SULF2: variants seen among roughly 807,000 people sequenced by gnomAD.
SULF2 encodes sulfatase 2.
A neutral mutation model predicts 107.7 loss-of-function variants in SULF2; 52 were observed. The ratio of observed to expected loss-of-function variants is 0.48; its 90% CI spans 0.39 to 0.61. The LOEUF (loss-of-function observed/expected upper bound fraction) is 0.61. Ranked by LOEUF, SULF2 falls within the 20% of genes least tolerant of loss-of-function variation. The pLI is 0.00. For missense variants in SULF2, 993 were observed against 1,177.3 expected, an observed-to-expected ratio of 0.84 and a Z score of 2.29; for synonymous variants, 460 against 464.3, an observed-to-expected ratio of 0.99 and a Z score of 0.12.
rs1367536135 is a variant in SULF2 at position 47,785,435 on chromosome 20, GCGCCGCCGCTGCCGCTGCCGC to G, written c.-214_-194del. The G allele has an allele frequency of 0.013, 1,916 of 151,598 alleles. 52 individuals carry two copies. Among genetic ancestry groups the G allele is most frequent in the African/African-American group, 0.045 (1,722 of 38,236 alleles). 9.4% of individuals were successfully genotyped at this position (151,598 alleles called of 1,614,324 possible). On this transcript the variant is annotated 5_prime_UTR_variant, in exon 1 of 21. Coordinates refer to ENST00000688720, the MANE Select transcript of SULF2 (RefSeq NM_001387048.1). The stretch of plus-strand genomic sequence containing the variant: ...CGGGCCGCTGGGCGCAGGGGACTCC[GCGCCGCCGCTGCCGCTGCCGC>G]CGCCGCCGCCGCCGCTGCCGCTGCT...
At chr20:47,733,607 T>C (rs2089664722) in intron 3 of SULF2, among the ~76,000 whole-genome samples, 1 of 152,142 alleles carries the variant, frequency 6.6e-6, no homozygotes, top group Non-Finnish European at 1.5e-5. Context: ...ACCCCATCTC[T>C]ACAAAAAATA....
intron 1 of SULF2, among the ~76,000 whole-genome samples, chr20:47,779,325 C>T (rs929369521): frequency 4.6e-5 from 7 of 152,184 alleles, no homozygotes; most frequent in African/African-American, 1.7e-4. Context: ...GTCAAAATCA[C>T]CCTCGGTTGA....
chr20:47,720,153 C>T (rs1335612555), intron 3 of SULF2, among the ~76,000 whole-genome samples: 4 of 152,094 alleles, frequency 2.6e-5, no homozygotes, highest in South Asian at 2.1e-4. Flanking sequence ...CGGGGTTTCA[C>T]GGTGTTAGCC....
chr20:47,683,136 C>A lies in SULF2; in HGVS notation c.922G>T (p.Asp308Tyr), dbSNP rs772766001. Reference protein sequence around the residue: ...YNMLVETGELDNTYIVYTADH... With the variant: ...YNMLVETGELYNTYIVYTADH... ...GCGGTGTATACGATGTACGTGTTGT[C>A]CAGCTCGCCCGTCTCAACCAGCATG... is the stretch of plus-strand genomic sequence containing the variant. The change falls in exon 7 of 21, where the codon GAC (aspartate) becomes TAC (tyrosine). Residue 308 changes from aspartate (D) to tyrosine (Y), a missense_variant. Around this residue, in one of 3 missense-constraint regions of SULF2, gnomAD observed 388 missense variants for 449.2 expected, o/e 0.86. Coordinates refer to ENST00000688720, the MANE Select transcript of SULF2 (RefSeq NM_001387048.1). The A allele has an allele frequency of 6.2e-7, 1 of 1,610,240 alleles. No individual in the cohort carries two copies. Among genetic ancestry groups the A allele is most frequent in the Non-Finnish European group, 8.5e-7 (1 of 1,177,358 alleles).
chr20:47,690,065 A>G (rs1228031424), intron 5 of SULF2, 61 bp downstream of exon 5: 10 of 1,340,116 alleles, frequency 7.5e-6, no homozygotes, highest in Non-Finnish European at 9.7e-6. Context: ...CTGTTGCTAA[A>G]GCCTGACCCT....
In SULF2 at chr20:47,664,127, T is replaced by A. The variant is rs755436471; in HGVS notation, c.2057+3A>T. 3 of 1,613,650 alleles carry A rather than the reference T, an allele frequency of 1.9e-6. No individual in the cohort carries two copies. The South Asian group carries it at 3.3e-5, about 18-fold the overall frequency. Reference sequence around the variant, plus strand: ...CTTCCCCAGGACCTCAAGCTGCTCTTACCTGAAAGGATGCAGACTGGAGCC... The same window carrying A: ...CTTCCCCAGGACCTCAAGCTGCTCTAACCTGAAAGGATGCAGACTGGAGCC... On this transcript the variant is annotated splice_donor_region_variant and intron_variant, in intron 15 of 20. Transcript: ENST00000688720.
intron 4 of SULF2, among the ~76,000 whole-genome samples, chr20:47,697,811 G>A (rs1437666877): frequency 6.6e-6 from 1 of 152,206 alleles, no homozygotes; most frequent in Non-Finnish European, 1.5e-5. Context: ...AGCACCCCGG[G>A]ATAACTTGAT....
chr20:47,722,639 A>G (rs1439969500), intron 3 of SULF2, among the ~76,000 whole-genome samples: 1 of 152,262 alleles, frequency 6.6e-6, no homozygotes, highest in South Asian at 2.1e-4. Flanking sequence ...CATGTAAAAA[A>G]CAAGTTCACT....
chr20:47,695,645 G>A (rs368675408), intron 4 of SULF2, among the ~76,000 whole-genome samples: 1 of 152,170 alleles, frequency 6.6e-6, no homozygotes, highest in Non-Finnish European at 1.5e-5. Flanking sequence ...ACAGAGTCTC[G>A]CTCTGTCGGC....
Position 47,690,019 on chromosome 20 carries a change from G to C in SULF2, c.737+107C>G, listed in dbSNP as rs1602653248. 8.9e-5 allele frequency: 98 copies of C among 1,105,530 alleles called. No homozygotes were observed. In the East Asian group the frequency reaches 3.0e-3, roughly 34 times the overall value. The allele number at this position is 1,105,530 out of a possible 1,614,324, so 68.5% of individuals were successfully genotyped here. A position where few individuals can be genotyped will look rare whatever the true frequency, so the allele number is the denominator to read the frequency against. ...TGGGGTCTTTAAACCAGGAGGATTA[G>C]AGAGGAGGCACAGTGAAGTCATGGT... On this transcript the variant is annotated intron_variant, in intron 5 of 20. Coordinates refer to ENST00000688720, the MANE Select transcript of SULF2 (RefSeq NM_001387048.1).
intron 1 of SULF2, 141 bp downstream of exon 1, chr20:47,785,202 G>A (rs1330710113): frequency 6.7e-6 from 1 of 148,284 alleles, no homozygotes; most frequent in African/African-American, 2.5e-5. Context: ...TGGGGCTGGA[G>A]CCGGGCGGTC....
Position 47,677,095 on chromosome 20 carries a change from G to A in SULF2, c.1233C>T (p.Ser411=). 6.2e-7 allele frequency: 1 copy of A among 1,613,778 alleles called. No individual in the cohort carries two copies. Reference sequence around the variant, plus strand: ...GCACTCACCCTCTCTCCACCAAGAAGGAGTCCCGCCAGACCCTCATCTTCT... The same window carrying A: ...GCACTCACCCTCTCTCCACCAAGAAAGAGTCCCGCCAGACCCTCATCTTCT... The part of the protein sequence containing the change: ...LKKKMRVWRD[S]FLVERGKLLH... Residue 411 remains serine, a synonymous_variant, in exon 9 of 21, where the codon TCC becomes TCT. Coordinates refer to ENST00000688720, the MANE Select transcript of SULF2 (RefSeq NM_001387048.1).
intron 11 of SULF2, 55 bp downstream of exon 11, chr20:47,672,143 C>T: frequency 6.5e-7 from 1 of 1,532,962 alleles, no homozygotes; most frequent in South Asian, 1.2e-5. Flanking sequence ...TGAATGGGGC[C>T]CCCCAGGCAT....
chr20:47,702,483 C>CT, intron 4 of SULF2, 36 bp downstream of exon 4: 6 of 1,600,130 alleles, frequency 3.7e-6, no homozygotes, highest in Non-Finnish European at 5.1e-6. Context: ...TGCTGGGCCA[C>CT]ACAGCCACTC....
In SULF2 at chr20:47,757,237, G is replaced by A. The variant is rs867377131; in HGVS notation, c.127C>T (p.Arg43Cys). ...GRFQRDRRNI[R>C]PNIILVLTDD... ...GTCAGCACCAGGATGATGTTGGGGC[G>A]GATGTTCCTGCGGTCCCTCTGAAAC... Residue 43 changes from arginine (R) to cysteine (C), a missense_variant, in exon 2 of 21, where the codon CGC becomes TGC. Physicochemically the swap from Arg to Cys is radical, Grantham distance 180 (BLOSUM62 -3). Around this residue, in one of 3 missense-constraint regions of SULF2, gnomAD observed 388 missense variants for 449.2 expected, o/e 0.86. Coordinates refer to ENST00000688720, the MANE Select transcript of SULF2 (RefSeq NM_001387048.1). 23 of 1,566,952 alleles carry A rather than the reference G, an allele frequency of 1.5e-5. No homozygotes were observed. Among genetic ancestry groups the A allele is most frequent in the African/African-American group, 6.8e-5 (5 of 73,796 alleles).
chr20:47,688,974 A>AG (rs1299028627), intron 5 of SULF2, among the ~76,000 whole-genome samples: 3 of 151,876 alleles, frequency 2.0e-5, no homozygotes, highest in Admixed American at 1.3e-4. Context: ...ACTGCTAAGC[A>AG]GGGGGTGGTC....
rs753016840 is a variant in SULF2, at chr20:47,665,230, G to A, written c.1966C>T (p.Arg656Trp). The A allele has an allele frequency of 3.1e-6, 5 of 1,614,012 alleles. No individual in the cohort carries two copies. Among genetic ancestry groups the A allele is most frequent in the East Asian group, 2.2e-5 (1 of 44,886 alleles). ...TTGTGACAGTCACATTCTTCTGGCC[G>A]CTTTTTCTTCAGGTGACCTCGGACT... ...REVRGHLKKK[R>W]PEECDCHKIS... Residue 656 changes from arginine to tryptophan, a missense_variant, in exon 14 of 21, where the codon CGG (arginine) becomes TGG (tryptophan). Arg to Trp is a moderately radical substitution (Grantham distance 101). Around this residue, in one of 3 missense-constraint regions of SULF2, gnomAD observed 497 missense variants for 544.1 expected, o/e 0.91. Transcript: ENST00000688720.
At chr20:47,706,131 T>C (rs1363653823) in intron 3 of SULF2, among the ~76,000 whole-genome samples, 1 of 152,062 alleles carries the variant, frequency 6.6e-6, no homozygotes, top group East Asian at 1.9e-4. Flanking sequence ...TAAACCTGCC[T>C]ATGGTCCAAC....
intron 3 of SULF2, among the ~76,000 whole-genome samples, chr20:47,725,439 T>C (rs2089413576): frequency 1.3e-5 from 2 of 152,234 alleles, no homozygotes; most frequent in Admixed American, 1.3e-4. Context: ...TGGACTCTGC[T>C]GTGCAGAGCA....
Sources: allele counts gnomAD v4.1 joint callset (sites outside exome capture counted in the v4.1 genomes callset), GRCh38; gene constraint gnomAD v4.1.1; regional missense constraint gnomAD v4.1.1; transcripts MANE v1.5; gene names NCBI Gene and HGNC (gene_info 2026-07-23, HGNC 2026-07-21).